Variants in SNTG1 observed in about 807,000 individuals in gnomAD.
The protein encoded by SNTG1 is gamma-1-syntrophin.
In SNTG1, 39 loss-of-function variants were observed where a neutral mutation model predicts 74.7. That is an observed-to-expected ratio of 0.52 (90% CI 0.40 to 0.68). The LOEUF is 0.68. Ranked by LOEUF, SNTG1 falls within the 30% of genes least tolerant of loss-of-function variation. The pLI is 0.00. For missense variants in SNTG1, 685 were observed against 609.5 expected, an observed-to-expected ratio of 1.12 and a Z score of -1.30; for synonymous variants, 254 against 217.1, an observed-to-expected ratio of 1.17 and a Z score of -1.49.
chr8:50,187,975 A>G (rs954200935), intron 2 of SNTG1, among the ~76,000 whole-genome samples: 1 of 152,106 alleles, frequency 6.6e-6, no homozygotes, highest in African/African-American at 2.4e-5. Context: ...CAGCACATAC[A>G]TATTATCCAT....
chr8:50,292,470 C>A (rs188881176), intron 2 of SNTG1, among the ~76,000 whole-genome samples: 46 of 152,126 alleles, frequency 3.0e-4, no homozygotes, highest in African/African-American at 1.1e-3. Flanking sequence ...TTTTTTAAAT[C>A]TCTCTGATTG....
intron 2 of SNTG1, among the ~76,000 whole-genome samples, chr8:50,217,177 CT>C (rs2084830317): frequency 6.6e-6 from 1 of 151,874 alleles, no homozygotes. Flanking sequence ...CATGATATGA[CT>C]ACATATTTAA....
intron 2 of SNTG1, among the ~76,000 whole-genome samples, chr8:50,309,987 C>T (rs531619222): frequency 1.7e-4 from 26 of 152,196 alleles, no homozygotes; most frequent in African/African-American, 5.5e-4. Context: ...TGTCTATGTG[C>T]GTAAAAATAG....
In SNTG1 at chr8:50,590,913, A is replaced by G; in HGVS notation, c.845A>G (p.Gln282Arg). The change falls in exon 13 of 19, where the codon CAG (glutamine) becomes CGG (arginine). Residue 282 changes from glutamine (Q) to arginine (R), a missense_variant. Transcript: ENST00000642720. ...ATCAACAGAAACTTTCCTGTAAACCAGCAGGTAAGATCAAAGCATACTTGG... is the reference window on the plus strand; with the variant it reads ...ATCAACAGAAACTTTCCTGTAAACCGGCAGGTAAGATCAAAGCATACTTGG... ...KKINRNFPVN[Q>R]QIVYMGWCEA... 1.3e-6 allele frequency: 2 copies of G among 1,569,878 alleles called. No individual in the cohort carries two copies. The highest frequency in any genetic ancestry group is 1.7e-6 in the Non-Finnish European group (2 of 1,154,040).
At chr8:50,126,445 A>G (rs556628426) in intron 1 of SNTG1, among the ~76,000 whole-genome samples, 1 of 152,280 alleles carries the variant, frequency 6.6e-6, no homozygotes, top group South Asian at 2.1e-4. Flanking sequence ...ATAACTTAGT[A>G]AATAATGGAA....
intron 1 of SNTG1, among the ~76,000 whole-genome samples, chr8:49,959,983 TG>T (rs1810533412): frequency 6.6e-6 from 1 of 152,180 alleles, no homozygotes; most frequent in African/African-American, 2.4e-5. Flanking sequence ...TTACCCAAGG[TG>T]TTACAGCTAA....
At chr8:49,939,649 A>T (rs1808500394) in intron 1 of SNTG1, among the ~76,000 whole-genome samples, 1 of 152,210 alleles carries the variant, frequency 6.6e-6, no homozygotes, top group South Asian at 2.1e-4. Flanking sequence ...GAGTTGGCTC[A>T]GTTAACCATG....
chr8:50,385,852 C>A (rs1486706969), intron 2 of SNTG1, among the ~76,000 whole-genome samples: 1 of 152,180 alleles, frequency 6.6e-6, no homozygotes, highest in Admixed American at 6.5e-5. Context: ...CACCACCTGG[C>A]TAAGCTTGTG....
At chr8:50,550,693 G>GTGTGTGTGTATATATATATA (rs1554571332) in intron 11 of SNTG1, among the ~76,000 whole-genome samples, 148 of 149,096 alleles carry the variant, frequency 9.9e-4, no homozygotes, top group African/African-American at 3.1e-3. Flanking sequence ...TAGTGTGTGT[G>GTGTGTGTGTATATATATATA]TATATATATA....
chr8:49,988,029 A>G (rs531208732), intron 1 of SNTG1, among the ~76,000 whole-genome samples: 1 of 152,278 alleles, frequency 6.6e-6, no homozygotes, highest in South Asian at 2.1e-4. Context: ...GAGTTCTATT[A>G]AAACCATTGA....
intron 1 of SNTG1, among the ~76,000 whole-genome samples, chr8:50,143,552 C>G (rs1206461260): frequency 6.6e-6 from 1 of 152,174 alleles, no homozygotes; most frequent in Non-Finnish European, 1.5e-5. Context: ...TATGGATACT[C>G]TTTTCCACCA....
intron 1 of SNTG1, among the ~76,000 whole-genome samples, chr8:50,135,248 T>C (rs2081435778): frequency 6.6e-6 from 1 of 152,214 alleles, no homozygotes; most frequent in South Asian, 2.1e-4. Context: ...CGGCTTTGTT[T>C]TATCCTATGT....
intron 8 of SNTG1, among the ~76,000 whole-genome samples, chr8:50,472,129 T>C (rs536116511): frequency 6.6e-6 from 1 of 152,282 alleles, no homozygotes; most frequent in Admixed American, 6.5e-5. Context: ...CCCATTGTAA[T>C]TTACAGAGTT....
At chr8:50,780,509 C>A (rs1165007558) in intron 18 of SNTG1, among the ~76,000 whole-genome samples, 1 of 152,150 alleles carries the variant, frequency 6.6e-6, no homozygotes, top group Non-Finnish European at 1.5e-5. Flanking sequence ...TTGTAGTATT[C>A]TCTGATGGTA....
intron 1 of SNTG1, among the ~76,000 whole-genome samples, chr8:49,993,739 A>G (rs1364575813): frequency 6.6e-6 from 1 of 152,086 alleles, no homozygotes; most frequent in Non-Finnish European, 1.5e-5. Flanking sequence ...ACATGAACTC[A>G]TTCTTTTTTA....
At chr8:50,018,705 A>G (rs1250907321) in intron 1 of SNTG1, among the ~76,000 whole-genome samples, 1 of 152,130 alleles carries the variant, frequency 6.6e-6, no homozygotes. Flanking sequence ...AAAACAATGC[A>G]TAGAACATAA....
rs1423122348 is a variant in SNTG1 at position 50,050,223 on chromosome 8, A to T, written c.-102-122338A>T. ...CCTTAGCGAGTTAATTATGTAAAAA[A>T]GAGAGAAGACACAAATTATTAATAT... On this transcript the variant is annotated intron_variant, in intron 1 of 18. Coordinates refer to ENST00000642720, the MANE Select transcript of SNTG1 (RefSeq NM_018967.5). Among the ~76,000 whole-genome samples, 4 of 152,020 alleles carry T rather than the reference A, an allele frequency of 2.6e-5. No individual in the cohort carries two copies. In the East Asian group the frequency reaches 7.7e-4, roughly 29 times the overall value.
intron 12 of SNTG1, among the ~76,000 whole-genome samples, chr8:50,557,108 G>A (rs1242371750): frequency 2.0e-5 from 3 of 151,914 alleles, no homozygotes; most frequent in Non-Finnish European, 2.9e-5. Flanking sequence ...GAAAGTGGGG[G>A]TGGGCAAGGA....
chr8:50,386,724 A>T (rs2092580846), intron 2 of SNTG1, among the ~76,000 whole-genome samples: 1 of 148,828 alleles, frequency 6.7e-6, no homozygotes. Flanking sequence ...AGAGAGAAAG[A>T]AGGGAGGTTC....
Sources: allele counts gnomAD v4.1 joint callset (sites outside exome capture counted in the v4.1 genomes callset), GRCh38; gene constraint gnomAD v4.1.1; transcripts MANE v1.5; gene names NCBI Gene and HGNC (gene_info 2026-07-23, HGNC 2026-07-21).